The following WWOX variants were observed in gnomAD, a reference collection of about 807,000 sequenced individuals.
WWOX encodes the protein WW domain-containing oxidoreductase.
A neutral mutation model predicts 46.2 loss-of-function variants in WWOX; 69 were observed. The ratio of observed to expected loss-of-function variants is 1.49; its 90% CI spans 1.23 to 1.82. The LOEUF is 1.82. WWOX is among the 40% of genes most tolerant of loss of function. The pLI is 0.00. For missense variants in WWOX, 919 were observed against 542.6 expected, an observed-to-expected ratio of 1.69 and a Z score of -6.89; for synonymous variants, 359 against 202.6, an observed-to-expected ratio of 1.77 and a Z score of -6.56.
At chr16:78,561,765 C>T (rs908854554) in intron 8 of WWOX, among the ~76,000 whole-genome samples, 3 of 152,158 alleles carry the variant, frequency 2.0e-5, no homozygotes, top group South Asian at 2.1e-4. Flanking sequence ...ACGGCTTCAC[C>T]TGTGAGCCGA....
rs565141510 is a variant in WWOX at position 79,067,828 on chromosome 16, C to T, written c.1057-143780C>T. On this transcript the variant is annotated intron_variant, in intron 8 of 8. Coordinates refer to ENST00000566780, the MANE Select transcript of WWOX (RefSeq NM_016373.4). ...AATGAGTGTGCTGCTGACAGTGTTG[C>T]GAGTCATCTGCAAATGAAAAGTCCT... Among the ~76,000 whole-genome samples, 88 of 152,246 alleles carry T rather than the reference C, an allele frequency of 5.8e-4. 1 individual carries two copies. The highest frequency in any genetic ancestry group is 1.0e-3 in the South Asian group (5 of 4,820).
intron 8 of WWOX, among the ~76,000 whole-genome samples, chr16:78,966,243 A>G (rs964063070): frequency 6.6e-6 from 1 of 152,244 alleles, no homozygotes; most frequent in Non-Finnish European, 1.5e-5. Context: ...TTAAGAGGCT[A>G]TAGGTTAAGA....
intron 8 of WWOX, among the ~76,000 whole-genome samples, chr16:79,078,800 A>C (rs1167312617): frequency 6.6e-6 from 1 of 152,188 alleles, no homozygotes; most frequent in African/African-American, 2.4e-5. Context: ...TATTTCTCCA[A>C]GTGGTGATAA....
intron 5 of WWOX, among the ~76,000 whole-genome samples, chr16:78,329,729 G>T (rs1253930734): frequency 2.0e-5 from 3 of 151,960 alleles, no homozygotes; most frequent in South Asian, 2.1e-4. Flanking sequence ...TTTTATGTTT[G>T]ATGGTTTTTT....
At chr16:78,860,709 G>A (rs957471783) in intron 8 of WWOX, among the ~76,000 whole-genome samples, 11 of 152,322 alleles carry the variant, frequency 7.2e-5, no homozygotes, top group African/African-American at 1.7e-4. Context: ...GCCAACATCC[G>A]CTTTAGTGCT....
chr16:78,555,356 G>A (rs1476572620), intron 8 of WWOX, among the ~76,000 whole-genome samples: 1 of 151,918 alleles, frequency 6.6e-6, no homozygotes, highest in Non-Finnish European at 1.5e-5. Flanking sequence ...CCTTAATATT[G>A]TACATTTGGC....
chr16:78,877,807 A>G (rs13332944), intron 8 of WWOX, among the ~76,000 whole-genome samples: 24 of 152,298 alleles, frequency 1.6e-4, no homozygotes, highest in African/African-American at 5.1e-4. Flanking sequence ...TTGGATGTAT[A>G]ATGTCCAACT....
chr16:78,693,001 G>A (rs540276978), intron 8 of WWOX, among the ~76,000 whole-genome samples: 13 of 152,248 alleles, frequency 8.5e-5, no homozygotes, highest in South Asian at 6.2e-4. Flanking sequence ...TTGCATCCAC[G>A]GAAGAGTTTG....
In WWOX at chr16:78,740,847, A is replaced by G. The variant is rs1019295363; in HGVS notation, c.1056+308095A>G. Among the ~76,000 whole-genome samples, 5 of 152,108 alleles carry G rather than the reference A, an allele frequency of 3.3e-5. No homozygotes were observed. In the East Asian group the frequency reaches 5.8e-4, roughly 18 times the overall value. On this transcript the variant is annotated intron_variant, in intron 8 of 8. Coordinates refer to ENST00000566780, the MANE Select transcript of WWOX (RefSeq NM_016373.4). ...TGCTTTTGCTCCTCTTATAACTCCT[A>G]TGATAAAAAGAGTTGCCATTATCAT...
At chr16:78,726,088 C>CCTCCCTCCCTCCCTCCCTCCCTCTTT (rs2048826338) in intron 8 of WWOX, among the ~76,000 whole-genome samples, 1 of 97,012 alleles carries the variant, frequency 1.0e-5, no homozygotes, top group African/African-American at 4.6e-5. Flanking sequence ...CCTCCCTCTT[C>CCTCCCTCCCTCCCTCCCTCCCTCTTT]CTCCCTCCCT....
intron 8 of WWOX, among the ~76,000 whole-genome samples, chr16:78,516,821 G>A (rs576047156): frequency 1.3e-5 from 2 of 152,322 alleles, no homozygotes; most frequent in East Asian, 1.9e-4. Context: ...GAAGAGAGGT[G>A]TTAATGGACA....
chr16:78,553,878 G>C (rs1012082618), intron 8 of WWOX, among the ~76,000 whole-genome samples: 8 of 152,008 alleles, frequency 5.3e-5, no homozygotes, highest in African/African-American at 1.9e-4. Flanking sequence ...GGCTGAGGTT[G>C]GAACGTGGGA....
chr16:79,107,678 C>T (rs1003714482), intron 8 of WWOX, among the ~76,000 whole-genome samples: 3 of 152,176 alleles, frequency 2.0e-5, no homozygotes, highest in Non-Finnish European at 4.4e-5. Flanking sequence ...TTTCATGTCA[C>T]ATTTAAAAAT....
intron 5 of WWOX, among the ~76,000 whole-genome samples, chr16:78,188,170 A>T (rs765795997): frequency 6.6e-6 from 1 of 152,188 alleles, no homozygotes; most frequent in Non-Finnish European, 1.5e-5. Flanking sequence ...AGTGGTGAGA[A>T]GAGTTTACAT....
intron 8 of WWOX, among the ~76,000 whole-genome samples, chr16:78,668,246 A>G (rs769632426): frequency 7.2e-5 from 11 of 152,132 alleles, no homozygotes; most frequent in Non-Finnish European, 1.2e-4. Flanking sequence ...ATGCCATTGC[A>G]CTCCAGCCTG....
At chr16:78,728,377 A>G (rs1321990366) in intron 8 of WWOX, among the ~76,000 whole-genome samples, 5 of 152,170 alleles carry the variant, frequency 3.3e-5, no homozygotes, top group East Asian at 1.9e-4. Flanking sequence ...CTGGCCATGG[A>G]TAACATTTCT....
chr16:78,326,868 G>A (rs889695233), intron 5 of WWOX, among the ~76,000 whole-genome samples: 4 of 151,822 alleles, frequency 2.6e-5, no homozygotes, highest in Non-Finnish European at 4.4e-5. Flanking sequence ...GGGCTTTTTC[G>A]GTTGTATTCT....
At chr16:78,345,535 T>G (rs1186987445) in intron 5 of WWOX, among the ~76,000 whole-genome samples, 1 of 65,772 alleles carries the variant, frequency 1.5e-5, no homozygotes, top group Non-Finnish European at 3.1e-5. Context: ...TCCCATCTAC[T>G]CGGGAGGCTG....
At chr16:78,931,982 C>G (rs575349781) in intron 8 of WWOX, among the ~76,000 whole-genome samples, 227 of 152,336 alleles carry the variant, frequency 1.5e-3, no homozygotes, top group African/African-American at 5.0e-3. Context: ...ACTCTCTTGC[C>G]TGCTGCCATT....
Sources: allele counts gnomAD v4.1 joint callset (sites outside exome capture counted in the v4.1 genomes callset), GRCh38; gene constraint gnomAD v4.1.1; transcripts MANE v1.5; gene names NCBI Gene and HGNC (gene_info 2026-07-23, HGNC 2026-07-21).